The following USP46 variants were observed in gnomAD, a reference collection of about 807,000 sequenced individuals.
USP46 encodes ubiquitin specific peptidase 46, also known as ubiquitin carboxyl-terminal hydrolase 46.
Under a neutral mutation model 44.4 loss-of-function variants are expected in USP46, and 12 were observed. The observed-to-expected ratio is 0.27, with a 90% CI of 0.17 to 0.44. The LOEUF (loss-of-function observed/expected upper bound fraction) is 0.44, where lower values mean the gene tolerates loss of function less well. Among genes scored for constraint, USP46 ranks in the 20% least tolerant of loss-of-function variants. USP46 has a pLI of 1.00. For synonymous variants in USP46, 155 were observed against 161.5 expected, an observed-to-expected ratio of 0.96 and a Z score of 0.31; for missense variants, 248 against 444.8, an observed-to-expected ratio of 0.56 and a Z score of 3.98.
rs974351291 is a variant in USP46, at chr4:52,591,649, G to C, written c.*5991C>G. 6.6e-6 allele frequency: 1 copy of C among 152,226 alleles called. No homozygotes were observed. The highest frequency in any genetic ancestry group is 1.9e-4 in the East Asian group (1 of 5,188). 9.4% of individuals were successfully genotyped at this position (152,226 alleles called of 1,614,324 possible). On this transcript the variant is annotated 3_prime_UTR_variant, in exon 9 of 9. Transcript: ENST00000441222. ...ACAATCTAATGTCATTTCTGACTCTGGTATCTCATAACCAAAATGAAGCTA... is the reference window on the plus strand; with the variant it reads ...ACAATCTAATGTCATTTCTGACTCTCGTATCTCATAACCAAAATGAAGCTA...
rs780381323 is a variant in USP46 at position 52,596,062 on chromosome 4, G to A, written c.*1578C>T. The A allele has an allele frequency of 2.6e-5, 4 of 152,572 alleles. No individual in the cohort carries two copies. Among genetic ancestry groups the A allele is most frequent in the Non-Finnish European group, 4.4e-5 (3 of 68,010 alleles). 9.5% of individuals were successfully genotyped at this position (152,572 alleles called of 1,614,324 possible). A position where few individuals can be genotyped will look rare whatever the true frequency, so the allele number is the denominator to read the frequency against. The stretch of plus-strand genomic sequence containing the variant: ...CATTTCACTTCAAGCATAAACAAAC[G>A]AAATGTTGGCATGCTTACTTAAGTT... On this transcript the variant is annotated 3_prime_UTR_variant, in exon 9 of 9. Coordinates refer to ENST00000441222, the MANE Select transcript of USP46 (RefSeq NM_022832.4).
intron 1 of USP46, among the ~76,000 whole-genome samples, chr4:52,632,667 T>G (rs1717878657): frequency 6.6e-6 from 1 of 150,734 alleles, no homozygotes; most frequent in Admixed American, 6.6e-5. Context: ...ACAAAAAATA[T>G]AAAACTTAGC....
At chr4:52,641,306 C>G (rs1416295026) in intron 1 of USP46, among the ~76,000 whole-genome samples, 1 of 152,084 alleles carries the variant, frequency 6.6e-6, no homozygotes, top group Non-Finnish European at 1.5e-5. Flanking sequence ...CTTTGAAAAA[C>G]AGTGCAGCCA....
In USP46 at chr4:52,593,278, C is replaced by A. The variant is rs77059667; in HGVS notation, c.*4362G>T. On this transcript the variant is annotated 3_prime_UTR_variant, in exon 9 of 9. Coordinates refer to ENST00000441222, the MANE Select transcript of USP46 (RefSeq NM_022832.4). ...TATAAATCCCAGGACAAAGTGAGGC[C>A]TAGGAAAGAAAAACACAGTCCCAAG... The A allele has an allele frequency of 0.035, 7,542 of 215,634 alleles. 181 individuals are homozygous for A. The highest frequency in any genetic ancestry group is 0.093 in the Middle Eastern group (60 of 648). The allele number at this position is 215,634 out of a possible 1,614,324, so 13.4% of individuals were successfully genotyped here.
intron 3 of USP46, among the ~76,000 whole-genome samples, chr4:52,627,228 C>A (rs1183599644): frequency 6.6e-6 from 1 of 152,098 alleles, no homozygotes; most frequent in African/African-American, 2.4e-5. Context: ...ACTGTAACTT[C>A]AAAATACAGC....
intron 8 of USP46, among the ~76,000 whole-genome samples, chr4:52,598,396 A>G (rs1223279729): frequency 6.6e-6 from 1 of 152,228 alleles, no homozygotes; most frequent in Non-Finnish European, 1.5e-5. Flanking sequence ...GAGAGATCCC[A>G]TGTCTATGGA....
Position 52,591,061 on chromosome 4 carries a change from T to A in USP46, c.*6579A>T, listed in dbSNP as rs1715989704. The A allele has an allele frequency of 1.3e-5, 2 of 152,234 alleles. No homozygotes were observed. The highest frequency in any genetic ancestry group is 4.8e-5 in the African/African-American group (2 of 41,468). 9.4% of individuals were successfully genotyped at this position (152,234 alleles called of 1,614,324 possible). A position where few individuals can be genotyped will look rare whatever the true frequency, so the allele number is the denominator to read the frequency against. ...ATAACCCATTAAAACAGTATCTTTC[T>A]AATCCCCTCAGAGTGGAAAACAGGT... On this transcript the variant is annotated 3_prime_UTR_variant, in exon 9 of 9. Transcript: ENST00000441222.
intron 1 of USP46, among the ~76,000 whole-genome samples, chr4:52,654,257 C>T (rs1418734593): frequency 2.0e-5 from 3 of 152,150 alleles, no homozygotes; most frequent in African/African-American, 7.2e-5. Flanking sequence ...TGACTTTACA[C>T]CTAGCTGATA....
At chr4:52,644,012 G>C (rs912054851) in intron 1 of USP46, among the ~76,000 whole-genome samples, 1 of 152,298 alleles carries the variant, frequency 6.6e-6, no homozygotes, top group East Asian at 1.9e-4. Context: ...GCTGCTGGCT[G>C]TCACACATTA....
rs17051591 is a variant in USP46, at chr4:52,601,047, C to T, written c.920+810G>A. Among the ~76,000 whole-genome samples the T allele has an allele frequency of 9.3e-3, 1,409 of 152,238 alleles. 17 individuals are homozygous for T. Among genetic ancestry groups the T allele is most frequent in the African/African-American group, 0.032 (1,332 of 41,528 alleles). On this transcript the variant is annotated intron_variant, in intron 7 of 8. Transcript: ENST00000441222. ...AAAAATATATCAACCTATTCCTCTG[C>T]GTGGCAATGGTAGTCTCCTGGTAAT...
chr4:52,638,234 G>A (rs1019375604), intron 1 of USP46, among the ~76,000 whole-genome samples: 4 of 152,134 alleles, frequency 2.6e-5, no homozygotes, highest in African/African-American at 7.2e-5. Flanking sequence ...GTGACGGGAC[G>A]TGACAACAGA....
chr4:52,598,740 T>G, intron 7 of USP46, 34 bp from the exon 8 acceptor site: 1 of 1,560,228 alleles, frequency 6.4e-7, no homozygotes, highest in Non-Finnish European at 8.7e-7. Flanking sequence ...AGTTAGCAAG[T>G]TAACATTTAT....
chr4:52,656,477 T>C, intron 1 of USP46: 1 of 1,442,262 alleles, frequency 6.9e-7, no homozygotes, highest in South Asian at 1.5e-5. Context: ...GGGTTAAGGA[T>C]TCCCACTCCA....
At chr4:52,634,681 T>C (rs1718045928) in intron 1 of USP46, among the ~76,000 whole-genome samples, 1 of 152,026 alleles carries the variant, frequency 6.6e-6, no homozygotes, top group Non-Finnish European at 1.5e-5. Flanking sequence ...TGCCTCGGCC[T>C]CCCAAAGTGC....
At chr4:52,643,722 C>T (rs1051858910) in intron 1 of USP46, among the ~76,000 whole-genome samples, 2 of 152,218 alleles carry the variant, frequency 1.3e-5, no homozygotes, top group African/African-American at 4.8e-5. Context: ...GAGAACTTCA[C>T]ATCTACATAT....
At chr4:52,608,085 GGGAA>G (rs1049109540) in intron 5 of USP46, among the ~76,000 whole-genome samples, 28 of 152,158 alleles carry the variant, frequency 1.8e-4, no homozygotes, top group African/African-American at 6.3e-4. Flanking sequence ...GAAGGAAGGA[GGGAA>G]GGAAGGAGAG....
chr4:52,648,098 C>G (rs1202787365), intron 1 of USP46, among the ~76,000 whole-genome samples: 4 of 152,222 alleles, frequency 2.6e-5, no homozygotes, highest in Non-Finnish European at 5.9e-5. Context: ...CATGTCTTTA[C>G]AAGGGTAGAG....
chr4:52,659,090 A>C lies in USP46; in HGVS notation c.36+25T>G, dbSNP rs968800280. On this transcript the variant is annotated intron_variant, in intron 1 of 8. Coordinates refer to ENST00000441222, the MANE Select transcript of USP46 (RefSeq NM_022832.4). The surrounding 1 kb of genome is among the most constrained non-coding windows in gnomAD (Gnocchi z 4.2). ...TTTGCCTCGCCGCGAGTCGGGCGCG[A>C]CCCCGAGGCGGCTCGGCCACTCACC... is the stretch of plus-strand genomic sequence containing the variant. The C allele has an allele frequency of 6.4e-7, 1 of 1,550,962 alleles. No homozygotes were observed. Among genetic ancestry groups the C allele is most frequent in the African/African-American group, 1.4e-5 (1 of 70,342 alleles).
chr4:52,603,942 C>T (rs1442882764), intron 6 of USP46, among the ~76,000 whole-genome samples: 1 of 152,144 alleles, frequency 6.6e-6, no homozygotes, highest in Non-Finnish European at 1.5e-5. Context: ...GTCTTGGCCT[C>T]CCAAAATGCT....
Sources: allele counts gnomAD v4.1 joint callset (sites outside exome capture counted in the v4.1 genomes callset), GRCh38; gene constraint gnomAD v4.1.1; non-coding constraint Gnocchi (gnomAD v3.1); transcripts MANE v1.5; gene names NCBI Gene and HGNC (gene_info 2026-07-23, HGNC 2026-07-21).